Variants in CLEC6A observed in about 807,000 individuals in gnomAD.
CLEC6A encodes the protein C-type lectin domain containing 6A, also known as C-type lectin domain family 6 member A.
CLEC6A carries 22 observed loss-of-function variants against 25.7 expected under a neutral mutation model. The ratio of observed to expected loss-of-function variants is 0.85; its 90% CI spans 0.61 to 1.22. The LOEUF is 1.22. CLEC6A is among the 50% of genes most tolerant of loss of function. CLEC6A has a pLI of 0.00. For synonymous variants in CLEC6A, 92 were observed against 76.7 expected, an observed-to-expected ratio of 1.20 and a Z score of -1.04; for missense variants, 240 against 236.8, an observed-to-expected ratio of 1.01 and a Z score of -0.09.
rs114953954 is a variant in CLEC6A, at chr12:8,477,433, C to A, written c.599C>A (p.Ser200Ter). ...GTTATCTGTGAAACTAGAAGGAATT[C>A]AATATGTGAGATGAATAAGATTTAC... The part of the protein sequence containing the change: ...NDVICETRRN[S>*]ICEMNKIYL The change falls in exon 6 of 6, where the codon TCA (serine) becomes TAA (stop). Residue 200 changes from serine to a stop codon, truncating the protein, a stop_gained. Transcript: ENST00000382073. LOFTEE classifies it high-confidence loss of function. The A allele has an allele frequency of 3.1e-4, 501 of 1,609,400 alleles. 2 individuals are homozygous for A. In the African/African-American group the frequency reaches 6.0e-3, roughly 19 times the overall value.
intron 4 of CLEC6A, among the ~76,000 whole-genome samples, chr12:8,473,969 AT>A (rs1939939453): frequency 6.6e-6 from 1 of 151,996 alleles, no homozygotes; most frequent in Admixed American, 6.6e-5. Context: ...TAGATTCTGG[AT>A]GTTAGACCTT....
intron 3 of CLEC6A, among the ~76,000 whole-genome samples, chr12:8,464,167 T>G (rs1278077261): frequency 6.6e-6 from 1 of 152,150 alleles, no homozygotes; most frequent in Non-Finnish European, 1.5e-5. Flanking sequence ...AAGAATAAGA[T>G]TTTTGGTTTT....
At position 8,467,956 on chromosome 12, in the gene CLEC6A, T is replaced by TCCCC. The variant is rs771162728; in HGVS notation, c.369+2328_369+2331dup. Among the ~76,000 whole-genome samples the TCCCC allele has an allele frequency of 1.4e-4, 21 of 151,280 alleles. 1 individual carries two copies. Among genetic ancestry groups the TCCCC allele is most frequent in the East Asian group, 1.2e-3 (6 of 5,146 alleles). On this transcript the variant is annotated intron_variant, in intron 4 of 5. Coordinates refer to ENST00000382073, the MANE Select transcript of CLEC6A (RefSeq NM_001007033.2). ...CTTTATTTATTTTGCTTTTTTTTTT[T>TCCCC]CCCCAAGACGGAGTTTTGCTCTGTC...
chr12:8,477,359 A>G lies in CLEC6A; in HGVS notation c.525A>G (p.Gln175=). 1 of 1,612,390 alleles carries G rather than the reference A, an allele frequency of 6.2e-7. No individual in the cohort carries two copies. Among genetic ancestry groups the G allele is most frequent in the Non-Finnish European group, 8.5e-7 (1 of 1,178,862 alleles). Residue 175 remains glutamine (Q), a synonymous_variant, in exon 6 of 6, where the codon CAA becomes CAG. Coordinates refer to ENST00000382073, the MANE Select transcript of CLEC6A (RefSeq NM_001007033.2). ...HLGEPNHSAE[Q]CASIVFWKPT... is the part of the protein sequence containing the mutation. ...GTGAGCCCAATCATTCTGCAGAGCA[A>G]TGTGCTTCAATAGTCTTCTGGAAAC... is the stretch of plus-strand genomic sequence containing the variant.
At chr12:8,458,023 C>T in intron 2 of CLEC6A, 36 bp downstream of exon 2, 1 of 1,444,556 alleles carries the variant, frequency 6.9e-7, no homozygotes, top group African/African-American at 1.4e-5. Context: ...TCCTTGCTTC[C>T]TTTCCCTTGA....
chr12:8,470,686 G>A (rs954671907), intron 4 of CLEC6A, among the ~76,000 whole-genome samples: 2 of 152,132 alleles, frequency 1.3e-5, no homozygotes, highest in Non-Finnish European at 2.9e-5. Context: ...TCATAAGTGG[G>A]AGCTAAGCTA....
At chr12:8,462,829 T>C (rs1055991116) in intron 3 of CLEC6A, among the ~76,000 whole-genome samples, 18 of 152,150 alleles carry the variant, frequency 1.2e-4, no homozygotes, top group Non-Finnish European at 1.9e-4. Flanking sequence ...CTGTGTCTTT[T>C]TCTTTTCCAA....
intron 3 of CLEC6A, among the ~76,000 whole-genome samples, chr12:8,460,455 A>G (rs761186358): frequency 1.3e-5 from 2 of 152,180 alleles, no homozygotes; most frequent in African/African-American, 4.8e-5. Context: ...CACCCCCAAG[A>G]TTCAATTATC....
intron 4 of CLEC6A, among the ~76,000 whole-genome samples, chr12:8,471,948 A>T (rs762980808): frequency 6.6e-6 from 1 of 152,104 alleles, no homozygotes; most frequent in Non-Finnish European, 1.5e-5. Flanking sequence ...TGCTTTTAAC[A>T]TTCTTTCTCT....
At position 8,477,412 on chromosome 12, in the gene CLEC6A, T is replaced by A. The variant is rs774690418; in HGVS notation, c.578T>A (p.Ile193Asn). The A allele has an allele frequency of 1.2e-6, 2 of 1,611,624 alleles. No individual in the cohort carries two copies. The highest frequency in any genetic ancestry group is 1.7e-6 in the Non-Finnish European group (2 of 1,178,428). The change falls in exon 6 of 6, where the codon ATC becomes AAC. Residue 193 changes from isoleucine to asparagine, a missense_variant. Ile to Asn is a moderately radical substitution (Grantham distance 149, BLOSUM62 -3). Coordinates refer to ENST00000382073, the MANE Select transcript of CLEC6A (RefSeq NM_001007033.2). Reference sequence around the variant, plus strand: ...ACAGGATGGGGCTGGAATGATGTTATCTGTGAAACTAGAAGGAATTCAATA... The same window carrying A: ...ACAGGATGGGGCTGGAATGATGTTAACTGTGAAACTAGAAGGAATTCAATA... ...KPTGWGWNDV[I>N]CETRRNSICE...
chr12:8,458,089 C>T (rs970541418), intron 2 of CLEC6A, 102 bp downstream of exon 2: 9 of 729,140 alleles, frequency 1.2e-5, no homozygotes, highest in African/African-American at 1.8e-5. Flanking sequence ...AATACGTCAG[C>T]TCTTACTTGG....
At chr12:8,461,098 AT>A in intron 3 of CLEC6A, 1 of 1,595,804 alleles carries the variant, frequency 6.3e-7, no homozygotes, top group Non-Finnish European at 8.5e-7. Context: ...GCACAGGGAG[AT>A]GTGTGGGCTG....
chr12:8,468,700 C>T (rs1248322292), intron 4 of CLEC6A, among the ~76,000 whole-genome samples: 6 of 152,096 alleles, frequency 3.9e-5, no homozygotes, highest in South Asian at 2.1e-4. Flanking sequence ...ATGATCATCT[C>T]GATAGACCCA....
intron 4 of CLEC6A, among the ~76,000 whole-genome samples, chr12:8,474,381 G>A (rs1456471358): frequency 6.6e-6 from 1 of 152,142 alleles, no homozygotes; most frequent in African/African-American, 2.4e-5. Context: ...GATGGCTACA[G>A]ATGTTTGGCT....
intron 2 of CLEC6A, among the ~76,000 whole-genome samples, chr12:8,458,465 T>G (rs928109021): frequency 2.0e-4 from 30 of 152,194 alleles, no homozygotes; most frequent in African/African-American, 6.5e-4. Context: ...TCTTCCCTGT[T>G]CTGCTTGCCT....
Position 8,465,612 on chromosome 12 carries a change from A to G in CLEC6A, c.352A>G (p.Asn118Asp). 1 of 1,613,536 alleles carries G rather than the reference A, an allele frequency of 6.2e-7. No individual in the cohort carries two copies. ...VEMGAHLVVF[N>D]TEAEQNFIVQ... ...GATGGGAGCACATTTGGTTGTGTTCAACACAGAAGCAGAGCAGGTACTGTT... is the reference window on the plus strand; with the variant it reads ...GATGGGAGCACATTTGGTTGTGTTCGACACAGAAGCAGAGCAGGTACTGTT... Residue 118 changes from asparagine to aspartate, a missense_variant, in exon 4 of 6, where the codon AAC becomes GAC. Transcript: ENST00000382073.
chr12:8,475,933 A>G (rs1291117828), intron 4 of CLEC6A, among the ~76,000 whole-genome samples, 192 bp from the exon 5 acceptor site: 1 of 152,194 alleles, frequency 6.6e-6, no homozygotes, highest in African/African-American at 2.4e-5. Context: ...GAATTCCTGT[A>G]TTAGGACTGT....
rs1939730016 is a variant in CLEC6A at position 8,459,839 on chromosome 12, C to G, written c.223+141C>G. 4.7e-6 allele frequency: 3 copies of G among 639,666 alleles called. No individual in the cohort carries two copies. The Admixed American group carries it at 7.6e-5, about 16-fold the overall frequency. 39.6% of individuals were successfully genotyped at this position (639,666 alleles called of 1,614,324 possible). A position where few individuals can be genotyped will look rare whatever the true frequency, so the allele number is the denominator to read the frequency against. Reference sequence around the variant, plus strand: ...CTGCTTGGATATTTTCATAATTTCTCTAAACATACATGTTCATATCAGGCT... The same window carrying G: ...CTGCTTGGATATTTTCATAATTTCTGTAAACATACATGTTCATATCAGGCT... On this transcript the variant is annotated intron_variant, in intron 3 of 5. Transcript: ENST00000382073.
At chr12:8,469,739 G>A (rs1591709084) in intron 4 of CLEC6A, among the ~76,000 whole-genome samples, 1 of 152,122 alleles carries the variant, frequency 6.6e-6, no homozygotes, top group African/African-American at 2.4e-5. Flanking sequence ...ACATGTAGAA[G>A]AATGAAACTG....
Sources: gnomAD v4.1 joint callset for allele counts (sites outside exome capture counted in the v4.1 genomes callset) on GRCh38, gnomAD v4.1.1 for gene constraint, MANE v1.5 for transcripts, NCBI Gene and HGNC (gene_info 2026-07-23, HGNC 2026-07-21) for gene names.